Variants in LRMDA observed in about 807,000 individuals in gnomAD.
LRMDA encodes leucine-rich melanocyte differentiation-associated protein.
A neutral mutation model predicts 29.8 loss-of-function variants in LRMDA; 18 were observed. That is an observed-to-expected ratio of 0.60 (90% confidence interval 0.42 to 0.90). LRMDA has a LOEUF of 0.90. Among genes scored for constraint, LRMDA ranks in the 40% least tolerant of loss-of-function variants. The pLI, the probability that LRMDA is intolerant of heterozygous loss-of-function variation, is 0.00. For synonymous variants in LRMDA, 125 were observed against 109.4 expected, an observed-to-expected ratio of 1.14 and a Z score of -0.89; for missense variants, 273 against 273.9, an observed-to-expected ratio of 1.00 and a Z score of 0.02.
chr10:75,989,960 G>C (rs146589493), intron 2 of LRMDA, among the ~76,000 whole-genome samples: 1 of 152,134 alleles, frequency 6.6e-6, no homozygotes, highest in African/African-American at 2.4e-5. Flanking sequence ...GACCCCACAG[G>C]CTCCTCCCAG....
chr10:75,648,664 C>G (rs1205009449), intron 2 of LRMDA, among the ~76,000 whole-genome samples: 1 of 152,118 alleles, frequency 6.6e-6, no homozygotes. Context: ...TCAAAGGAAG[C>G]TGCCAATTAC....
At chr10:75,517,213 G>A (rs1421851102) in intron 2 of LRMDA, among the ~76,000 whole-genome samples, 1 of 152,108 alleles carries the variant, frequency 6.6e-6, no homozygotes, top group African/African-American at 2.4e-5. Flanking sequence ...GAACTTTAAA[G>A]TAGTTTTTTC....
intron 2 of LRMDA, among the ~76,000 whole-genome samples, chr10:75,647,222 T>G (rs1377701870): frequency 2.0e-5 from 3 of 152,232 alleles, no homozygotes; most frequent in Non-Finnish European, 4.4e-5. Flanking sequence ...AAGTGCAACT[T>G]TGAGCTGGAA....
At chr10:75,682,691 TC>T (rs1842038971) in intron 2 of LRMDA, among the ~76,000 whole-genome samples, 1 of 152,124 alleles carries the variant, frequency 6.6e-6, no homozygotes, top group Non-Finnish European at 1.5e-5. Flanking sequence ...ACCTTATGTG[TC>T]CAGTTGCAAG....
intron 5 of LRMDA, among the ~76,000 whole-genome samples, chr10:76,305,436 T>A (rs1479052677): frequency 6.6e-6 from 1 of 152,226 alleles, no homozygotes; most frequent in East Asian, 1.9e-4. Context: ...CTTTCTTTCA[T>A]GGTCAGGACA....
intron 2 of LRMDA, among the ~76,000 whole-genome samples, chr10:75,744,950 G>A (rs1174157653): frequency 1.3e-5 from 2 of 152,138 alleles, no homozygotes; most frequent in Non-Finnish European, 2.9e-5. Flanking sequence ...CTTCCCTGCT[G>A]ACATGCACAG....
chr10:76,323,761 T>G (rs776931143), intron 5 of LRMDA, among the ~76,000 whole-genome samples: 24 of 152,214 alleles, frequency 1.6e-4, no homozygotes, highest in Non-Finnish European at 2.6e-4. Flanking sequence ...AGCATCATCC[T>G]AGATGTATGT....
At chr10:76,191,772 A>G (rs1366738873) in intron 5 of LRMDA, among the ~76,000 whole-genome samples, 1 of 152,308 alleles carries the variant, frequency 6.6e-6, no homozygotes, top group East Asian at 1.9e-4. Context: ...TCTTTCGATT[A>G]CCTTGCAAAG....
chr10:75,518,154 A>T (rs569997536), intron 2 of LRMDA, among the ~76,000 whole-genome samples: 36 of 152,256 alleles, frequency 2.4e-4, no homozygotes, highest in African/African-American at 7.9e-4. Flanking sequence ...TATTGGTCTA[A>T]AATTCTCTTT....
intron 2 of LRMDA, among the ~76,000 whole-genome samples, chr10:75,942,397 T>G (rs540758208): frequency 3.9e-5 from 6 of 152,324 alleles, no homozygotes; most frequent in African/African-American, 1.4e-4. Flanking sequence ...TTATCATATA[T>G]TTTGGTAATA....
intron 5 of LRMDA, among the ~76,000 whole-genome samples, chr10:76,068,625 T>G (rs774561511): frequency 6.6e-6 from 1 of 152,200 alleles, no homozygotes; most frequent in Non-Finnish European, 1.5e-5. Context: ...GCCGCTCACC[T>G]CCTGCTGTGT....
intron 5 of LRMDA, among the ~76,000 whole-genome samples, chr10:76,173,210 T>G (rs1850869965): frequency 6.6e-6 from 1 of 151,946 alleles, no homozygotes; most frequent in Non-Finnish European, 1.5e-5. Flanking sequence ...GCAATAGAAA[T>G]CATTCAGAAT....
chr10:76,163,418 A>C (rs1250072826), intron 5 of LRMDA, among the ~76,000 whole-genome samples: 2 of 152,104 alleles, frequency 1.3e-5, no homozygotes, highest in African/African-American at 2.4e-5. Flanking sequence ...TTCAATTCTA[A>C]ATGTATGTGT....
chr10:76,391,769 T>C (rs905765542), intron 6 of LRMDA, among the ~76,000 whole-genome samples: 4 of 152,200 alleles, frequency 2.6e-5, no homozygotes, highest in Admixed American at 2.0e-4. Flanking sequence ...ATAGCTCTTG[T>C]CTTTCATGGA....
At chr10:75,535,694 T>A (rs1004609642) in intron 2 of LRMDA, among the ~76,000 whole-genome samples, 1 of 152,044 alleles carries the variant, frequency 6.6e-6, no homozygotes, top group East Asian at 1.9e-4. Context: ...TAAAAAAAAA[T>A]TGGGTGTGAC....
intron 2 of LRMDA, among the ~76,000 whole-genome samples, chr10:75,929,417 A>G (rs1029897702): frequency 6.6e-6 from 1 of 152,166 alleles, no homozygotes; most frequent in African/African-American, 2.4e-5. Context: ...ATCGTTGGCC[A>G]ACTGTTGTCT....
At chr10:76,215,147 C>G (rs1851706571) in intron 5 of LRMDA, among the ~76,000 whole-genome samples, 1 of 152,186 alleles carries the variant, frequency 6.6e-6, no homozygotes, top group East Asian at 1.9e-4. Flanking sequence ...ACTCAAAGAC[C>G]TGGGCCTCAG....
chr10:75,669,301 T>C (rs2132141589), intron 2 of LRMDA, among the ~76,000 whole-genome samples: 1 of 152,262 alleles, frequency 6.6e-6, no homozygotes, highest in Middle Eastern at 3.4e-3. Flanking sequence ...GACCATTTTT[T>C]CCCTATGAGG....
intron 2 of LRMDA, among the ~76,000 whole-genome samples, chr10:75,934,844 T>G (rs10509364): frequency 6.6e-6 from 1 of 152,222 alleles, no homozygotes; most frequent in Non-Finnish European, 1.5e-5. Context: ...AGAACAGTTT[T>G]CCTCTTAAAT....
Sources: gnomAD v4.1 joint callset for allele counts (sites outside exome capture counted in the v4.1 genomes callset) on GRCh38, gnomAD v4.1.1 for gene constraint, MANE v1.5 for transcripts, NCBI Gene and HGNC (gene_info 2026-07-23, HGNC 2026-07-21) for gene names.